CFAP221: variants seen among roughly 807,000 people sequenced by gnomAD.
CFAP221 encodes the protein cilia and flagella associated protein 221.
Under a neutral mutation model 113.1 loss-of-function variants are expected in CFAP221, and 97 were observed. The observed-to-expected ratio is 0.86, with a 90% confidence interval of 0.73 to 1.02. The LOEUF (loss-of-function observed/expected upper bound fraction) is 1.02, where lower values mean the gene tolerates loss of function less well. CFAP221 is among the 50% of genes least tolerant of loss of function. The pLI, the probability that CFAP221 is intolerant of heterozygous loss-of-function variation, is 0.00. For synonymous variants in CFAP221, 331 were observed against 354.4 expected (o/e 0.93, Z 0.74); for missense variants, 1,025 against 1,013.4 (o/e 1.01, Z -0.16).
At position 119,652,029 on chromosome 2, in the gene CFAP221, G is replaced by A; in HGVS notation, c.2374G>A (p.Glu792Lys). 6 of 1,613,522 alleles carry A rather than the reference G, an allele frequency of 3.7e-6. No homozygotes were observed. Among genetic ancestry groups the A allele is most frequent in the Non-Finnish European group, 4.2e-6 (5 of 1,179,706 alleles). Reference protein sequence around the residue: ...VMLTPEMIKVEFPMLNYKDIR... With the variant: ...VMLTPEMIKVKFPMLNYKDIR... ...GTTGACTCCAGAAATGATCAAAGTG[G>A]AATTCCCTATGTTGAACTACAAGGA... Residue 792 changes from glutamate (E) to lysine (K), a missense_variant, in exon 23 of 24, where the codon GAA becomes AAA. Glu to Lys is a moderately conservative substitution (Grantham distance 56). Transcript: ENST00000413369.
chr2:119,561,950 A>T, intron 5 of CFAP221, 64 bp from the exon 6 acceptor site: 2 of 1,057,450 alleles, frequency 1.9e-6, no homozygotes, highest in Non-Finnish European at 2.7e-6. Context: ...TAAAGCATCT[A>T]CAAGTTTGTC....
At chr2:119,637,305 C>T (rs1269065445) in intron 19 of CFAP221, among the ~76,000 whole-genome samples, 2 of 152,196 alleles carry the variant, frequency 1.3e-5, no homozygotes, top group Non-Finnish European at 2.9e-5. Context: ...TGCACCAACG[C>T]TTACCTCCTT....
chr2:119,631,151 A>G, intron 19 of CFAP221: 1 of 966,456 alleles, frequency 1.0e-6, no homozygotes, highest in East Asian at 4.3e-5. Flanking sequence ...TAATATGTAC[A>G]TATAGGCCAA....
intron 22 of CFAP221, among the ~76,000 whole-genome samples, chr2:119,650,826 G>A (rs1251302737): frequency 6.6e-6 from 1 of 152,192 alleles, no homozygotes; most frequent in African/African-American, 2.4e-5. Context: ...AACAACTTTT[G>A]CAGATTTCAA....
At position 119,561,015 on chromosome 2, in the gene CFAP221, G is replaced by A. The variant is rs184813380; in HGVS notation, c.426+989G>A. Among the ~76,000 whole-genome samples, 67 of 152,002 alleles carry A rather than the reference G, an allele frequency of 4.4e-4. No homozygotes were observed. In the East Asian group the frequency reaches 9.9e-3, roughly 22 times the overall value. On this transcript the variant is annotated intron_variant, in intron 5 of 23. Coordinates refer to ENST00000413369, the MANE Select transcript of CFAP221 (RefSeq NM_001271049.2). ...TCAATTAAAAAAAAAATGGCCAGGCGCGATGGCTCATGTGTGTAATCCCTG... is the reference window on the plus strand; with the variant it reads ...TCAATTAAAAAAAAAATGGCCAGGCACGATGGCTCATGTGTGTAATCCCTG...
intron 7 of CFAP221, among the ~76,000 whole-genome samples, chr2:119,592,472 T>C (rs1038131692): frequency 1.3e-5 from 2 of 152,226 alleles, no homozygotes; most frequent in African/African-American, 2.4e-5. Context: ...CCCGGCTTTG[T>C]CGTACCCTTC....
chr2:119,609,926 CAAAA>C (rs1255460973), intron 12 of CFAP221, among the ~76,000 whole-genome samples: 26 of 152,084 alleles, frequency 1.7e-4, no homozygotes, highest in Non-Finnish European at 3.2e-4. Context: ...TTTCATAAGA[CAAAA>C]GAATATAAAA....
At chr2:119,546,816 C>A (rs1680085896) in intron 2 of CFAP221, among the ~76,000 whole-genome samples, 1 of 152,190 alleles carries the variant, frequency 6.6e-6, no homozygotes, top group East Asian at 1.9e-4. Flanking sequence ...ACCTTTTTGC[C>A]TTTTCATGTA....
chr2:119,565,542 C>T (rs1681559542), intron 6 of CFAP221, among the ~76,000 whole-genome samples: 1 of 152,188 alleles, frequency 6.6e-6, no homozygotes, highest in Non-Finnish European at 1.5e-5. Flanking sequence ...GTACCAACCT[C>T]CCTAGAGGCT....
intron 15 of CFAP221, among the ~76,000 whole-genome samples, chr2:119,626,825 GA>G (rs987015528): frequency 7.2e-5 from 11 of 151,854 alleles, no homozygotes; most frequent in Non-Finnish European, 1.2e-4. Flanking sequence ...AGCTACTCAG[GA>G]AGCTGAGGTG....
At chr2:119,609,352 A>G (rs1684992391) in intron 12 of CFAP221, among the ~76,000 whole-genome samples, 1 of 152,216 alleles carries the variant, frequency 6.6e-6, no homozygotes, top group Non-Finnish European at 1.5e-5. Flanking sequence ...CTGCCATAAC[A>G]AAGTACCACA....
chr2:119,657,804 A>AGT (rs893915156), downstream of CFAP221, among the ~76,000 whole-genome samples: 5 of 152,016 alleles, frequency 3.3e-5, no homozygotes, highest in East Asian at 3.9e-4. Context: ...TGGCCTTCAG[A>AGT]GTGTGTGTGT....
At chr2:119,608,314 T>G (rs1247671385) in intron 11 of CFAP221, among the ~76,000 whole-genome samples, 188 bp from the exon 12 acceptor site, 2 of 152,238 alleles carry the variant, frequency 1.3e-5, no homozygotes. Context: ...TAAGCTTAAC[T>G]TTGTAGAACA....
At chr2:119,581,904 AAAAT>A (rs913212517) in intron 6 of CFAP221, among the ~76,000 whole-genome samples, 3 of 152,030 alleles carry the variant, frequency 2.0e-5, no homozygotes, top group African/African-American at 4.8e-5. Context: ...ATCTCTATAA[AAAAT>A]AAATAAATAA....
In CFAP221 at chr2:119,549,089, T is replaced by G; in HGVS notation, c.144T>G (p.Val48=). The G allele has an allele frequency of 6.6e-7, 1 of 1,525,036 alleles. No homozygotes were observed. Among genetic ancestry groups the G allele is most frequent in the African/African-American group, 1.4e-5 (1 of 72,604 alleles). 94.5% of individuals were successfully genotyped at this position (1,525,036 alleles called of 1,614,324 possible). A position where few individuals can be genotyped will look rare whatever the true frequency, so the allele number is the denominator to read the frequency against. Residue 48 remains valine, a synonymous_variant, in exon 3 of 24, where the codon GTT becomes GTG. Coordinates refer to ENST00000413369, the MANE Select transcript of CFAP221 (RefSeq NM_001271049.2). The part of the protein sequence containing the change: ...EVPNHLLESK[V]YAKLVNNKVI... ...TTATCTACATTGTTTTTATAGAGGT[T>G]TATGCAAAACTTGTGAATAATAAGG...
At chr2:119,559,650 G>A (rs1388423957) in intron 3 of CFAP221, 39 bp from the exon 4 acceptor site, 1 of 1,439,854 alleles carries the variant, frequency 6.9e-7, no homozygotes, top group Non-Finnish European at 9.4e-7. Context: ...TGCAAATAAA[G>A]CCGTGTATTT....
chr2:119,632,460 A>T (rs913483900), intron 19 of CFAP221, among the ~76,000 whole-genome samples: 4 of 152,174 alleles, frequency 2.6e-5, no homozygotes, highest in African/African-American at 9.7e-5. Flanking sequence ...CACTATCAGC[A>T]AGTGCGGGAT....
intron 1 of CFAP221, chr2:119,545,351 A>T (rs2104995301): frequency 6.6e-6 from 1 of 152,370 alleles, no homozygotes; most frequent in Non-Finnish European, 1.5e-5. Context: ...AATTATTAAC[A>T]CCAAATGAGT....
chr2:119,561,958 G>T, intron 5 of CFAP221, 56 bp from the exon 6 acceptor site: 1 of 1,115,098 alleles, frequency 9.0e-7, no homozygotes, highest in South Asian at 1.4e-5. Flanking sequence ...CTACAAGTTT[G>T]TCTAAAAGTT....
Sources: allele counts gnomAD v4.1 joint callset (sites outside exome capture counted in the v4.1 genomes callset), GRCh38; gene constraint gnomAD v4.1.1; transcripts MANE v1.5; gene names NCBI Gene and HGNC (gene_info 2026-07-23, HGNC 2026-07-21).